Variants in DNAH1 observed in about 807,000 individuals in gnomAD.
The protein encoded by DNAH1 is dynein axonemal heavy chain 1.
DNAH1 carries 327 observed loss-of-function variants against 484.3 expected under a neutral mutation model. That is an observed-to-expected ratio of 0.68 (90% confidence interval 0.62 to 0.74). The LOEUF is 0.74. Among genes scored for constraint, DNAH1 ranks in the 30% least tolerant of loss-of-function variants. The pLI, the probability that DNAH1 is intolerant of heterozygous loss-of-function variation, is 0.00. For synonymous variants in DNAH1, 2,192 were observed against 2,191.9 expected (o/e 1.00, Z 0.00); for missense variants, 5,052 against 5,546.8 (o/e 0.91, Z 2.83).
At chr3:52,313,814 G>A (rs1248399198), upstream of DNAH1, among the ~76,000 whole-genome samples, 1 of 152,132 alleles carries the variant, frequency 6.6e-6, no homozygotes, top group African/African-American at 2.4e-5. Context: ...AAAAGTCTTG[G>A]TGTCCCTCAC....
rs533806257 is a variant in DNAH1, at chr3:52,354,526, G to A, written c.3481-317G>A. Among the ~76,000 whole-genome samples, 25 of 152,228 alleles carry A rather than the reference G, an allele frequency of 1.6e-4. No individual in the cohort carries two copies. The South Asian group carries it at 3.5e-3, about 21-fold the overall frequency. On this transcript the variant is annotated intron_variant, in intron 20 of 77. Transcript: ENST00000420323. The stretch of plus-strand genomic sequence containing the variant: ...CACATGCCTGTAATCCCAGCTACTC[G>A]GGAGGCTGAGGCAGGAGAATTGCTT...
chr3:52,379,900 T>C lies in DNAH1; in HGVS notation c.7378-5T>C, dbSNP rs560306112. 1 of 1,555,866 alleles carries C rather than the reference T, an allele frequency of 6.4e-7. No homozygotes were observed. Among genetic ancestry groups the C allele is most frequent in the South Asian group, 1.2e-5 (1 of 84,240 alleles). On this transcript the variant is annotated splice_region_variant and splice_polypyrimidine_tract_variant and intron_variant, in intron 47 of 77. Coordinates refer to ENST00000420323, the MANE Select transcript of DNAH1 (RefSeq NM_015512.5). This position sits in a 1 kb window ranked among gnomAD's most constrained non-coding sequence, Gnocchi z 4.4. ...GGACAGGCACCGATGCTGGGGCTAC[T>C]GCAGGACCAAGTGCAGCTGCTGCGA...
At chr3:52,378,248 A>G (rs1455335426) in intron 46 of DNAH1, among the ~76,000 whole-genome samples, 6 of 151,774 alleles carry the variant, frequency 4.0e-5, no homozygotes, top group African/African-American at 1.5e-4. Context: ...ACCCTCCCCA[A>G]GTGTGGCTCA....
In DNAH1 at chr3:52,399,274, CG is replaced by C. The variant is rs1200071548; in HGVS notation, c.12441+75del. On this transcript the variant is annotated intron_variant, in intron 76 of 77. Transcript: ENST00000420323. ...CCAGGGAGGAGAGGCTCTGAGGCCA[CG>C]GTTGGTTGGCAGTTGGGGGACCCCT... The C allele has an allele frequency of 8.2e-6, 12 of 1,458,422 alleles. No homozygotes were observed. The African/African-American group carries it at 1.7e-4, about 21-fold the overall frequency. The allele number at this position is 1,458,422 out of a possible 1,614,324, so 90.3% of individuals were successfully genotyped here. A position where few individuals can be genotyped will look rare whatever the true frequency, so the allele number is the denominator to read the frequency against.
intron 75 of DNAH1, among the ~76,000 whole-genome samples, chr3:52,398,597 A>AT (rs1238102557): frequency 6.6e-6 from 1 of 152,174 alleles, no homozygotes; most frequent in East Asian, 1.9e-4. Context: ...CAACTCAGCC[A>AT]TATTTTTATT....
chr3:52,370,739 G>C lies in DNAH1; in HGVS notation c.6439G>C (p.Glu2147Gln). Residue 2147 changes from glutamate (E) to glutamine (Q), a missense_variant, in exon 41 of 78, where the codon GAG (glutamate) becomes CAG (glutamine). Glu to Gln is a conservative substitution (Grantham distance 29, BLOSUM62 2). Around this residue, in one of 4 missense-constraint regions of DNAH1, gnomAD observed 2,929 missense variants for 3,409.4 expected, o/e 0.86. Transcript: ENST00000420323. ...GCAGCTGACTCTGCTTTTCCCAGAA[G>C]AGGGGCTGGTGTTCGATTACAGGCT... ...NEQLTLLFPE[E>Q]GLVFDYRLED... 1 of 1,605,436 alleles carries C rather than the reference G, an allele frequency of 6.2e-7. No individual in the cohort carries two copies. Among genetic ancestry groups the C allele is most frequent in the Non-Finnish European group, 8.5e-7 (1 of 1,176,338 alleles).
At chr3:52,374,871 A>G (rs1488164716) in intron 44 of DNAH1, 1 of 1,092,518 alleles carries the variant, frequency 9.2e-7, no homozygotes, top group Non-Finnish European at 1.4e-6. Flanking sequence ...AAATCTAGCC[A>G]AAGCCAATCC....
At chr3:52,352,835 T>C in intron 18 of DNAH1, 128 bp downstream of exon 18, 1 of 1,383,254 alleles carries the variant, frequency 7.2e-7, no homozygotes, top group Non-Finnish European at 9.6e-7. Flanking sequence ...AGAGTGGAGA[T>C]AGCCCAACCC....
At chr3:52,373,189 AGGAGGGGGGCCGGCTGGG>A (rs1703425390) in intron 44 of DNAH1, 136 bp downstream of exon 44, 2 of 959,158 alleles carry the variant, frequency 2.1e-6, no homozygotes, top group South Asian at 3.7e-5. Context: ...ATTAAAGGGG[AGGAGGGGGGCCGGCTGGG>A]GGAGGGGCGG....
chr3:52,380,487 C>T (rs1054083383), intron 48 of DNAH1, among the ~76,000 whole-genome samples: 4 of 152,216 alleles, frequency 2.6e-5, no homozygotes, highest in Non-Finnish European at 5.9e-5. Flanking sequence ...CCCAGTGCTG[C>T]ATGGCTGAAG....
intron 44 of DNAH1, 65 bp downstream of exon 44, chr3:52,373,118 A>C: frequency 6.6e-7 from 1 of 1,511,394 alleles, no homozygotes. Context: ...CACAGGAGGC[A>C]CAGCACTGAA....
chr3:52,321,308 G>T (rs1172216965), intron 1 of DNAH1, among the ~76,000 whole-genome samples: 2 of 151,962 alleles, frequency 1.3e-5, no homozygotes, highest in Non-Finnish European at 2.9e-5. Flanking sequence ...TAGAAATGGG[G>T]TTTCACTGTG....
intron 75 of DNAH1, 80 bp downstream of exon 75, chr3:52,398,242 C>G (rs1704728591): frequency 6.7e-7 from 1 of 1,490,796 alleles, no homozygotes; most frequent in African/African-American, 1.4e-5. Context: ...TACTATGGGC[C>G]AGGTGCCATG....
At chr3:52,322,322 TG>T in intron 1 of DNAH1, 86 bp from the exon 2 acceptor site, 1 of 880,550 alleles carries the variant, frequency 1.1e-6, no homozygotes. Context: ...CTGGGGCTTG[TG>T]GCAGGCAGGC....
Position 52,349,476 on chromosome 3 carries a change from C to G in DNAH1, c.2526+56C>G. 5 of 1,503,410 alleles carry G rather than the reference C, an allele frequency of 3.3e-6. No homozygotes were observed. In the Middle Eastern group the frequency reaches 9.6e-4, roughly 289 times the overall value. 93.1% of individuals were successfully genotyped at this position (1,503,410 alleles called of 1,614,324 possible). On this transcript the variant is annotated intron_variant, in intron 14 of 77. Coordinates refer to ENST00000420323, the MANE Select transcript of DNAH1 (RefSeq NM_015512.5). ...CACAGCAGCACACACCACAGCAGCA[C>G]ACACGGACCCTCACATACATGGCAA...
chr3:52,312,119 G>A (rs962961163), upstream of DNAH1, among the ~76,000 whole-genome samples: 1 of 152,204 alleles, frequency 6.6e-6, no homozygotes, highest in African/African-American at 2.4e-5. Context: ...GGCAGGGACC[G>A]AGGGTCCAGC....
At chr3:52,391,150 C>A (rs758339084) in intron 61 of DNAH1, 29 bp from the exon 62 acceptor site, 2 of 1,613,270 alleles carry the variant, frequency 1.2e-6, no homozygotes, top group South Asian at 1.1e-5. Flanking sequence ...TCAGTCCCTG[C>A]AACCCCTTCT....
chr3:52,329,466 G>A (rs1701463964), intron 6 of DNAH1, among the ~76,000 whole-genome samples: 2 of 152,138 alleles, frequency 1.3e-5, no homozygotes, highest in Non-Finnish European at 2.9e-5. Flanking sequence ...GTCAACAGGT[G>A]GGGAGCATTT....
intron 66 of DNAH1, 63 bp downstream of exon 66, chr3:52,393,548 CAG>C (rs1336795739): frequency 1.9e-6 from 3 of 1,597,294 alleles, no homozygotes; most frequent in Non-Finnish European, 2.6e-6. Context: ...GGCCTGAGAA[CAG>C]GGTGGAAGGA....
Sources: gnomAD v4.1 joint callset for allele counts (sites outside exome capture counted in the v4.1 genomes callset) on GRCh38, gnomAD v4.1.1 for gene constraint, gnomAD v4.1.1 regional missense constraint, Gnocchi (gnomAD v3.1) non-coding constraint, MANE v1.5 for transcripts, NCBI Gene and HGNC (gene_info 2026-07-23, HGNC 2026-07-21) for gene names.